The following MARK4 variants were observed in gnomAD, a reference collection of about 807,000 sequenced individuals.
MARK4 encodes MAP/microtubule affinity-regulating kinase 4.
MARK4 carries 19 observed loss-of-function variants against 81.5 expected under a neutral mutation model. That is an observed-to-expected ratio of 0.23 (90% CI 0.16 to 0.34). The LOEUF (loss-of-function observed/expected upper bound fraction) is 0.34, where lower values mean the gene tolerates loss of function less well. Among genes scored for constraint, MARK4 ranks in the 10% least tolerant of loss-of-function variants. The pLI is 1.00. For missense variants in MARK4, 772 were observed against 1,058.8 expected, an observed-to-expected ratio of 0.73 and a Z score of 3.76; for synonymous variants, 436 against 439.0, an observed-to-expected ratio of 0.99 and a Z score of 0.08.
At chr19:45,261,313 TAAC>T (rs570068235) in intron 2 of MARK4, among the ~76,000 whole-genome samples, 1 of 152,132 alleles carries the variant, frequency 6.6e-6, no homozygotes, top group South Asian at 2.1e-4. Context: ...TACAAAATAT[TAAC>T]AAACAGAACC....
At position 45,304,402 on chromosome 19, in the gene MARK4, C is replaced by G. The variant is rs1047667602; in HGVS notation, c.*1692C>G. 1.3e-5 allele frequency: 2 copies of G among 152,280 alleles called. No individual in the cohort carries two copies. The highest frequency in any genetic ancestry group is 2.9e-5 in the Non-Finnish European group (2 of 68,138). The allele number at this position is 152,280 out of a possible 1,614,324, so 9.4% of individuals were successfully genotyped here. Reference sequence around the variant, plus strand: ...TAGTAGGGGTTCCTCAAAGGAAGGTCAAGTGTCATGAGCAGGAGAAAAGGC... The same window carrying G: ...TAGTAGGGGTTCCTCAAAGGAAGGTGAAGTGTCATGAGCAGGAGAAAAGGC... On this transcript the variant is annotated 3_prime_UTR_variant, in exon 17 of 17. Transcript: ENST00000262891.
intron 12 of MARK4, among the ~76,000 whole-genome samples, chr19:45,286,253 G>C (rs533709215): frequency 6.6e-6 from 1 of 151,576 alleles, no homozygotes; most frequent in Non-Finnish European, 1.5e-5. Context: ...ACAGGGTTTT[G>C]CCATGTTAGC....
chr19:45,270,579 G>A (rs997750587), intron 7 of MARK4, among the ~76,000 whole-genome samples: 6 of 151,980 alleles, frequency 3.9e-5, no homozygotes, highest in African/African-American at 1.2e-4. Flanking sequence ...CATAGTACTC[G>A]CTGGGTATGA....
At chr19:45,297,097 A>T (rs1475680358) in intron 14 of MARK4, among the ~76,000 whole-genome samples, 1 of 151,146 alleles carries the variant, frequency 6.6e-6, no homozygotes, top group Non-Finnish European at 1.5e-5. Flanking sequence ...ACACGCTTGT[A>T]ATCCCAGCTA....
chr19:45,277,866 TGTGTA>T, intron 8 of MARK4, 52 bp from the exon 9 acceptor site: 1 of 1,393,244 alleles, frequency 7.2e-7, no homozygotes, highest in Non-Finnish European at 9.8e-7. Context: ...TGTGTGTGTG[TGTGTA>T]ATAGGTGGGG....
intron 10 of MARK4, among the ~76,000 whole-genome samples, chr19:45,279,008 C>T (rs1451295561): frequency 6.6e-6 from 1 of 152,064 alleles, no homozygotes; most frequent in African/African-American, 2.4e-5. Flanking sequence ...CACTTGAGCC[C>T]AGGAGTTGGA....
intron 13 of MARK4, among the ~76,000 whole-genome samples, chr19:45,292,169 GGCACACACATGTA>G (rs1469049141): frequency 2.0e-5 from 3 of 152,164 alleles, no homozygotes; most frequent in African/African-American, 7.2e-5. Flanking sequence ...TGGACATGGT[GGCACACACATGTA>G]GTCCCAGCTA....
At chr19:45,261,758 A>T (rs1486891107) in intron 2 of MARK4, among the ~76,000 whole-genome samples, 1 of 152,006 alleles carries the variant, frequency 6.6e-6, no homozygotes, top group East Asian at 1.9e-4. Flanking sequence ...ACATGGAGAA[A>T]CCCCGTCTCT....
rs946478177 is a variant in MARK4 at position 45,302,701 on chromosome 19, C to T, written c.2250C>T (p.Leu750=). ...TCGTCACCCGCATCTCCAACGACCT[C>T]GAGCTCTGAGCCACCACGGTCCCAG... ...RTLVTRISND[L]EL Residue 750 remains leucine, a synonymous_variant, in exon 17 of 17, where the codon CTC becomes CTT. Coordinates refer to ENST00000262891, the MANE Select transcript of MARK4 (RefSeq NM_001199867.2). The surrounding 1 kb of genome is among the most constrained non-coding windows in gnomAD (Gnocchi z 4.9). 5.9e-6 allele frequency: 9 copies of T among 1,536,190 alleles called. No individual in the cohort carries two copies. The African/African-American group carries it at 8.2e-5, about 14-fold the overall frequency.
At chr19:45,288,827 G>A (rs1970782931) in intron 13 of MARK4, among the ~76,000 whole-genome samples, 1 of 143,458 alleles carries the variant, frequency 7.0e-6, no homozygotes, top group Non-Finnish European at 1.5e-5. Flanking sequence ...TCCAGTCTGG[G>A]TGACAGAGCA....
chr19:45,298,064 C>T (rs542718954), intron 15 of MARK4, 110 bp downstream of exon 15: 318 of 1,540,464 alleles, frequency 2.1e-4, no homozygotes, highest in Middle Eastern at 1.4e-3. Flanking sequence ...TCTTCCTCCT[C>T]CTCCTCCTCC....
intron 13 of MARK4, among the ~76,000 whole-genome samples, chr19:45,291,219 C>T (rs889808244): frequency 6.6e-6 from 1 of 152,124 alleles, no homozygotes; most frequent in South Asian, 2.1e-4. Flanking sequence ...AAAAAGAAAA[C>T]AAAATTGTAG....
chr19:45,301,672 G>A (rs1027685555), intron 16 of MARK4, among the ~76,000 whole-genome samples: 4 of 150,792 alleles, frequency 2.7e-5, no homozygotes, highest in Non-Finnish European at 5.9e-5. Context: ...CATCCTGGCT[G>A]ACACGGTGAA....
intron 12 of MARK4, among the ~76,000 whole-genome samples, chr19:45,285,605 C>T (rs909111201): frequency 7.3e-5 from 11 of 150,634 alleles, no homozygotes; most frequent in African/African-American, 1.7e-4. Context: ...AATGACAGGG[C>T]GTGCCCAGAA....
At chr19:45,299,307 C>G (rs886495717) in intron 15 of MARK4, among the ~76,000 whole-genome samples, 1 of 152,058 alleles carries the variant, frequency 6.6e-6, no homozygotes, top group Non-Finnish European at 1.5e-5. Context: ...GCCTGTAGTC[C>G]CAGCTACTTC....
intron 3 of MARK4, 51 bp from the exon 4 acceptor site, chr19:45,263,246 GCCCGGCTGGGGAAAGGATCCCC>G: frequency 6.2e-7 from 1 of 1,613,514 alleles, no homozygotes; most frequent in South Asian, 1.1e-5. Flanking sequence ...TCCTGCGGGG[GCCCGGCTGGGGAAAGGATCCCC>G]CAAGCCACCC....
At chr19:45,266,056 C>T (rs1970449451) in intron 6 of MARK4, among the ~76,000 whole-genome samples, 169 bp from the exon 7 acceptor site, 1 of 151,938 alleles carries the variant, frequency 6.6e-6, no homozygotes, top group African/African-American at 2.4e-5. Flanking sequence ...TGTGTCTGCC[C>T]AGGTTCCACG....
At chr19:45,295,316 G>A (rs920211871) in intron 14 of MARK4, among the ~76,000 whole-genome samples, 7 of 151,744 alleles carry the variant, frequency 4.6e-5, no homozygotes, top group East Asian at 3.9e-4. Context: ...CCGAGATCAC[G>A]CCACTGCACT....
At chr19:45,266,134 T>A in intron 6 of MARK4, 91 bp from the exon 7 acceptor site, 1 of 1,343,128 alleles carries the variant, frequency 7.4e-7, no homozygotes, top group Non-Finnish European at 1.1e-6. Context: ...TGGGGAGGCC[T>A]GGGGCCCAGC....
Sources: allele counts gnomAD v4.1 joint callset (sites outside exome capture counted in the v4.1 genomes callset), GRCh38; gene constraint gnomAD v4.1.1; non-coding constraint Gnocchi (gnomAD v3.1); transcripts MANE v1.5; gene names NCBI Gene and HGNC (gene_info 2026-07-23, HGNC 2026-07-21).